The following MAP2K5 variants were observed in gnomAD, a reference collection of about 807,000 sequenced individuals.
MAP2K5 encodes the protein dual specificity mitogen-activated protein kinase kinase 5.
Under a neutral mutation model 83.1 loss-of-function variants are expected in MAP2K5, and 49 were observed. That is an observed-to-expected ratio of 0.59 (90% CI 0.47 to 0.75). MAP2K5 has a LOEUF of 0.75. Ranked by LOEUF, MAP2K5 falls within the 30% of genes least tolerant of loss-of-function variation. The pLI is 0.00. For missense variants in MAP2K5, 457 were observed against 557.5 expected (o/e 0.82, Z 1.82); for synonymous variants, 202 against 191.8 (o/e 1.05, Z -0.44).
chr15:67,737,439 GT>G (rs969893865), intron 17 of MAP2K5, among the ~76,000 whole-genome samples: 5 of 152,150 alleles, frequency 3.3e-5, no homozygotes, highest in Non-Finnish European at 7.3e-5. Flanking sequence ...CTTTTTAGAT[GT>G]TTAACAGTTA....
chr15:67,753,524 G>A (rs1021181097), intron 19 of MAP2K5, among the ~76,000 whole-genome samples: 1 of 152,134 alleles, frequency 6.6e-6, no homozygotes, highest in Non-Finnish European at 1.5e-5. Flanking sequence ...ATTTAAAAAT[G>A]GGGAGAGGAT....
intron 15 of MAP2K5, among the ~76,000 whole-genome samples, chr15:67,696,474 G>A (rs991872351): frequency 6.6e-6 from 1 of 152,082 alleles, no homozygotes; most frequent in African/African-American, 2.4e-5. Flanking sequence ...AAGTTTGCCA[G>A]CCCCTGATCT....
rs1453937009 is a variant in MAP2K5, at chr15:67,676,705, T to C, written c.847+12060T>C. Reference sequence around the variant, plus strand: ...TATGTATAATTTTATTTAATTGTTATAATAACCTTGTGAGGAGGTATCATT... The same window carrying C: ...TATGTATAATTTTATTTAATTGTTACAATAACCTTGTGAGGAGGTATCATT... On this transcript the variant is annotated intron_variant, in intron 13 of 21. Transcript: ENST00000178640. This position sits in a 1 kb window ranked among gnomAD's most constrained non-coding sequence, Gnocchi z 4.8. Among the ~76,000 whole-genome samples, 8 of 152,228 alleles carry C rather than the reference T, an allele frequency of 5.3e-5. No homozygotes were observed. The highest frequency in any genetic ancestry group is 1.9e-4 in the African/African-American group (8 of 41,458).
rs140802875 is a variant in MAP2K5 at position 67,770,630 on chromosome 15, T to C, written c.1196+967T>C. 2.3e-3 allele frequency among the ~76,000 whole-genome samples: 356 copies of C among 152,318 alleles called. 1 individual carries two copies. The highest frequency in any genetic ancestry group is 8.3e-3 in the African/African-American group (346 of 41,564). On this transcript the variant is annotated intron_variant, in intron 20 of 21. Coordinates refer to ENST00000178640, the MANE Select transcript of MAP2K5 (RefSeq NM_145160.3). This position sits in a 1 kb window ranked among gnomAD's most constrained non-coding sequence, Gnocchi z 5.0. ...AGACCCTACCAGAAGAAACCCTTGG[T>C]TCTGTGGTGTGGCAAAGTAATGTTA... is the stretch of plus-strand genomic sequence containing the variant.
chr15:67,689,831 A>G (rs2088055724), intron 13 of MAP2K5, among the ~76,000 whole-genome samples: 1 of 152,194 alleles, frequency 6.6e-6, no homozygotes, highest in African/African-American at 2.4e-5. Flanking sequence ...TCCAGGCAGC[A>G]CCTTCTTCCA....
chr15:67,542,733 C>G lies in MAP2K5; in HGVS notation c.-603C>G, dbSNP rs1037535449. 6.1e-5 allele frequency: 6 copies of G among 98,376 alleles called. No homozygotes were observed. The highest frequency in any genetic ancestry group is 1.6e-4 in the African/African-American group (6 of 37,186). 6.1% of individuals were successfully genotyped at this position (98,376 alleles called of 1,614,324 possible). ...CCTCCTCCTCCTCTCGCCGCTACCG[C>G]CGTCGCCGCCGCCGCAGCCGCCGCC... On this transcript the variant is annotated 5_prime_UTR_variant, in exon 1 of 22. Transcript: ENST00000178640.
chr15:67,548,468 A>C (rs1380946863), intron 1 of MAP2K5, among the ~76,000 whole-genome samples: 1 of 152,232 alleles, frequency 6.6e-6, no homozygotes, highest in Non-Finnish European at 1.5e-5. Context: ...TATTTATTTG[A>C]CACTAATATG....
In MAP2K5 at chr15:67,563,283, A is replaced by G; in HGVS notation, c.185A>G (p.Tyr62Cys). ...ATTTGCATTATGTGCTTTTAAACAG[A>G]TGAAGATGAAGATGGTGATCGAATT... Reference protein sequence around the residue: ...LPEATTTAFEYEDEDGDRITV... With the variant: ...LPEATTTAFECEDEDGDRITV... The change falls in exon 3 of 22, where the codon TAT becomes TGT. Residue 62 changes from tyrosine (Y) to cysteine (C), a missense_variant and splice_region_variant. Physicochemically the swap from Tyr to Cys is radical, Grantham distance 194 (BLOSUM62 -2). This residue lies in a region of MAP2K5 where 234 missense variants were observed against 243.6 expected (regional missense o/e 0.96). Transcript: ENST00000178640. The surrounding 1 kb of genome is among the most constrained non-coding windows in gnomAD (Gnocchi z 4.5). The G allele has an allele frequency of 6.2e-7, 1 of 1,610,308 alleles. No homozygotes were observed. Among genetic ancestry groups the G allele is most frequent in the Non-Finnish European group, 8.5e-7 (1 of 1,178,534 alleles).
intron 21 of MAP2K5, among the ~76,000 whole-genome samples, chr15:67,805,716 C>T (rs555393940): frequency 1.3e-5 from 2 of 152,318 alleles, no homozygotes; most frequent in African/African-American, 4.8e-5. Flanking sequence ...CCGAGTCTCA[C>T]CATGCAAGCT....
chr15:67,792,886 G>C (rs1015451566), intron 21 of MAP2K5, among the ~76,000 whole-genome samples: 1 of 152,178 alleles, frequency 6.6e-6, no homozygotes, highest in Non-Finnish European at 1.5e-5. Flanking sequence ...GAGATCACAT[G>C]GTGCTTCATG....
At chr15:67,751,170 C>T (rs1360862457) in intron 19 of MAP2K5, among the ~76,000 whole-genome samples, 3 of 151,984 alleles carry the variant, frequency 2.0e-5, no homozygotes, top group African/African-American at 7.3e-5. Context: ...AGTTAGCTAC[C>T]AGATGTCCAA....
chr15:67,615,442 A>T (rs960368907), intron 8 of MAP2K5, among the ~76,000 whole-genome samples: 3 of 152,130 alleles, frequency 2.0e-5, no homozygotes, highest in African/African-American at 4.8e-5. Flanking sequence ...TTTACTTTGG[A>T]TTTCCTGTTT....
Position 67,769,663 on chromosome 15 carries a change from G to C in MAP2K5, c.1196G>C (p.Cys399Ser). 6.2e-7 allele frequency: 1 copy of C among 1,613,558 alleles called. No individual in the cohort carries two copies. Among genetic ancestry groups the C allele is most frequent in the South Asian group, 1.1e-5 (1 of 91,042 alleles). ...SEPFVHFITQCMRKQPKERPA... is the reference protein window; with the variant it reads ...SEPFVHFITQSMRKQPKERPA... ...CCATTTGTACATTTCATCACTCAGT[G>C]GTGAGCCCGTTTACAAACATGCCAT... Residue 399 changes from cysteine to serine, a missense_variant and splice_region_variant, in exon 20 of 22, where the codon TGT becomes TCT. Physicochemically the swap from Cys to Ser is moderately radical, Grantham distance 112. Around this residue, in one of 3 missense-constraint regions of MAP2K5, gnomAD observed 168 missense variants for 263.0 expected, o/e 0.64. Transcript: ENST00000178640. The surrounding 1 kb of genome is among the most constrained non-coding windows in gnomAD (Gnocchi z 5.2).
At chr15:67,545,029 C>T (rs1196343855) in intron 1 of MAP2K5, among the ~76,000 whole-genome samples, 3 of 152,178 alleles carry the variant, frequency 2.0e-5, no homozygotes, top group Non-Finnish European at 2.9e-5. Context: ...GCACCTGTGT[C>T]ATCTCTCTTC....
intron 3 of MAP2K5, among the ~76,000 whole-genome samples, chr15:67,576,419 G>A (rs761117212): frequency 2.0e-5 from 3 of 147,762 alleles, no homozygotes; most frequent in Non-Finnish European, 4.5e-5. Flanking sequence ...GCAAAAAATT[G>A]TACTTGTTAT....
In MAP2K5 at chr15:67,562,087, C is replaced by T. The variant is rs1190402753; in HGVS notation, c.185-1196C>T. ...CAAGAGTGAACAAAAATAATAATTC[C>T]GATTGTTAACACCAGAACTGAGGCA... On this transcript the variant is annotated intron_variant, in intron 2 of 21. Transcript: ENST00000178640. The surrounding 1 kb of genome is among the most constrained non-coding windows in gnomAD (Gnocchi z 4.1). Among the ~76,000 whole-genome samples, 5 of 152,142 alleles carry T rather than the reference C, an allele frequency of 3.3e-5. No homozygotes were observed. The highest frequency in any genetic ancestry group is 3.8e-4 in the East Asian group (2 of 5,196).
At chr15:67,710,980 T>TACCA (rs1446201832) in intron 16 of MAP2K5, among the ~76,000 whole-genome samples, 1 of 152,272 alleles carries the variant, frequency 6.6e-6, no homozygotes, top group Non-Finnish European at 1.5e-5. Flanking sequence ...TCCTTCATGA[T>TACCA]ACCAACTCTG....
intron 8 of MAP2K5, among the ~76,000 whole-genome samples, chr15:67,618,536 A>G (rs906807710): frequency 6.6e-6 from 1 of 152,196 alleles, no homozygotes; most frequent in Non-Finnish European, 1.5e-5. Flanking sequence ...ATATCTGATT[A>G]CCAGTTGGAT....
rs549911402 is a variant in MAP2K5, at chr15:67,769,994, G to A, written c.1196+331G>A. ...TATAGCCCCTACTGAACGGACGTAC[G>A]AAGCTTATTTTTATTAATGTAACCT... On this transcript the variant is annotated intron_variant, in intron 20 of 21. Transcript: ENST00000178640. The surrounding 1 kb of genome is among the most constrained non-coding windows in gnomAD (Gnocchi z 5.2). 3 of 190,870 alleles carry A rather than the reference G, an allele frequency of 1.6e-5. No homozygotes were observed. The highest frequency in any genetic ancestry group is 1.5e-4 in the South Asian group (1 of 6,608). 11.8% of individuals were successfully genotyped at this position (190,870 alleles called of 1,614,324 possible).
Sources: allele counts gnomAD v4.1 joint callset (sites outside exome capture counted in the v4.1 genomes callset), GRCh38; gene constraint gnomAD v4.1.1; regional missense constraint gnomAD v4.1.1; non-coding constraint Gnocchi (gnomAD v3.1); transcripts MANE v1.5; gene names NCBI Gene and HGNC (gene_info 2026-07-23, HGNC 2026-07-21).